Variants in MGAT5 observed in about 807,000 individuals in gnomAD.
MGAT5 encodes alpha-1,6-mannosylglycoprotein 6-beta-N-acetylglucosaminyltransferase.
In MGAT5, 30 loss-of-function variants were observed where a neutral mutation model predicts 94.3. The observed-to-expected ratio is 0.32, with a 90% CI of 0.24 to 0.43. The LOEUF (loss-of-function observed/expected upper bound fraction) is 0.43. Ranked by LOEUF, MGAT5 falls within the 20% of genes least tolerant of loss-of-function variation. The pLI is 1.00. For synonymous variants in MGAT5, 310 were observed against 322.9 expected, an observed-to-expected ratio of 0.96 and a Z score of 0.43; for missense variants, 691 against 905.5, an observed-to-expected ratio of 0.76 and a Z score of 3.04.
At chr2:134,236,831 T>A (rs959811252) in intron 1 of MGAT5, among the ~76,000 whole-genome samples, 3 of 152,118 alleles carry the variant, frequency 2.0e-5, no homozygotes, top group Non-Finnish European at 2.9e-5. Context: ...TCTTGTACCC[T>A]CAGTGTTTTC....
At chr2:134,181,148 C>T (rs544458145) in intron 1 of MGAT5, among the ~76,000 whole-genome samples, 29 of 152,284 alleles carry the variant, frequency 1.9e-4, no homozygotes, top group African/African-American at 7.0e-4. Flanking sequence ...CAGTGACTCT[C>T]AACCAGGGAC....
chr2:134,241,264 G>A (rs970019575), intron 1 of MGAT5, among the ~76,000 whole-genome samples: 1 of 152,226 alleles, frequency 6.6e-6, no homozygotes, highest in Non-Finnish European at 1.5e-5. Context: ...CCCCAAAGAA[G>A]GAGCAGACAT....
intron 1 of MGAT5, among the ~76,000 whole-genome samples, chr2:134,159,418 T>C (rs1188044439): frequency 2.0e-5 from 3 of 152,224 alleles, no homozygotes; most frequent in African/African-American, 7.2e-5. Context: ...AGGTTTCTAG[T>C]GCTTTATACC....
chr2:134,311,463 A>C (rs1244023972), intron 2 of MGAT5, among the ~76,000 whole-genome samples: 1 of 152,176 alleles, frequency 6.6e-6, no homozygotes, highest in Non-Finnish European at 1.5e-5. Context: ...ATAAAGGCTC[A>C]CTTCCTAATA....
At chr2:134,261,072 A>T (rs3791264) in intron 1 of MGAT5, among the ~76,000 whole-genome samples, 1 of 151,904 alleles carries the variant, frequency 6.6e-6, no homozygotes, top group Admixed American at 6.6e-5. Context: ...AAGACCTCAG[A>T]AATGTTTTAG....
intron 1 of MGAT5, among the ~76,000 whole-genome samples, chr2:134,244,398 T>C (rs997671106): frequency 2.6e-4 from 40 of 152,140 alleles, no homozygotes; most frequent in African/African-American, 9.2e-4. Flanking sequence ...ATGGACCAGG[T>C]CTTTGGAGCA....
At chr2:134,349,454 A>G (rs1345866376) in intron 8 of MGAT5, among the ~76,000 whole-genome samples, 1 of 152,210 alleles carries the variant, frequency 6.6e-6, no homozygotes, top group African/African-American at 2.4e-5. Flanking sequence ...TTAGACACCT[A>G]CTGTGTGCTC....
At chr2:134,264,004 C>T (rs1573646603) in intron 1 of MGAT5, among the ~76,000 whole-genome samples, 2 of 143,396 alleles carry the variant, frequency 1.4e-5, no homozygotes, top group African/African-American at 2.6e-5. Context: ...ACTGCATTTC[C>T]TTATGCCATT....
At chr2:134,302,144 CA>C (rs540923267) in intron 2 of MGAT5, among the ~76,000 whole-genome samples, 105 of 152,184 alleles carry the variant, frequency 6.9e-4, no homozygotes, top group African/African-American at 2.3e-3. Flanking sequence ...CAACACTGGA[CA>C]ATATGTAAAT....
intron 2 of MGAT5, among the ~76,000 whole-genome samples, chr2:134,291,206 G>A (rs1685332342): frequency 6.6e-6 from 1 of 152,162 alleles, no homozygotes; most frequent in South Asian, 2.1e-4. Flanking sequence ...TAACCCCCAA[G>A]GCGATGGTGT....
chr2:134,181,932 A>G lies in MGAT5; in HGVS notation c.-143+61641A>G, dbSNP rs369087243. 1.3e-4 allele frequency among the ~76,000 whole-genome samples: 20 copies of G among 152,342 alleles called. No homozygotes were observed. In the East Asian group the frequency reaches 3.5e-3, roughly 26 times the overall value. Reference sequence around the variant, plus strand: ...GTTTAGAGATTTGTAATAAAAAATGATAGCACAATTTAAGGTGAAGAAACA... The same window carrying G: ...GTTTAGAGATTTGTAATAAAAAATGGTAGCACAATTTAAGGTGAAGAAACA... On this transcript the variant is annotated intron_variant, in intron 1 of 16. Coordinates refer to the MGAT5 transcript ENST00000409645.
At chr2:134,286,057 A>G (rs1684981503) in intron 2 of MGAT5, among the ~76,000 whole-genome samples, 2 of 152,206 alleles carry the variant, frequency 1.3e-5, no homozygotes, top group African/African-American at 2.4e-5. Context: ...GACAATATTT[A>G]CTAATTATCT....
intron 1 of MGAT5, among the ~76,000 whole-genome samples, chr2:134,144,088 T>G (rs11886886): frequency 0.46 from 69,762 of 151,968 alleles, 19,342 homozygotes; most frequent in African/African-American, 0.78. Context: ...GGGATGCCGG[T>G]TGAAGATGAA....
intron 1 of MGAT5, among the ~76,000 whole-genome samples, chr2:134,156,374 CTCTG>C (rs1280490778): frequency 6.6e-6 from 1 of 152,104 alleles, no homozygotes; most frequent in East Asian, 1.9e-4. Context: ...TCGTCCAGGT[CTCTG>C]TCTGTTTGGC....
At chr2:134,372,068 C>A (rs922703959) in intron 10 of MGAT5, among the ~76,000 whole-genome samples, 4 of 152,106 alleles carry the variant, frequency 2.6e-5, no homozygotes, top group Admixed American at 1.3e-4. Flanking sequence ...ACCAGGAAAT[C>A]TGTATGCTCC....
In MGAT5 at chr2:134,449,625, A is replaced by G. The variant is rs1038535461; in HGVS notation, c.*778A>G. The G allele has an allele frequency of 6.6e-6, 1 of 152,250 alleles. No individual in the cohort carries two copies. Among genetic ancestry groups the G allele is most frequent in the Admixed American group, 6.5e-5 (1 of 15,284 alleles). The allele number at this position is 152,250 out of a possible 1,614,324, so 9.4% of individuals were successfully genotyped here. ...CCTCCATGTCCCCATGCCCAGACAC[A>G]TACCTTGGCCGTAATTTCTTTTAGA... On this transcript the variant is annotated 3_prime_UTR_variant, in exon 16 of 16. Transcript: ENST00000281923.
At chr2:134,388,859 C>T (rs1226416844) in intron 10 of MGAT5, among the ~76,000 whole-genome samples, 3 of 150,738 alleles carry the variant, frequency 2.0e-5, no homozygotes, top group Non-Finnish European at 4.4e-5. Context: ...CCTCCCGGTT[C>T]AAGCAATTCT....
intron 1 of MGAT5, among the ~76,000 whole-genome samples, chr2:134,198,086 A>G (rs938580939): frequency 3.3e-5 from 5 of 152,204 alleles, no homozygotes; most frequent in African/African-American, 1.2e-4. Context: ...TGTCATCTGT[A>G]CCAGAAGCTA....
chr2:134,168,168 C>T (rs769576257), intron 1 of MGAT5, among the ~76,000 whole-genome samples: 2 of 152,162 alleles, frequency 1.3e-5, no homozygotes, highest in African/African-American at 2.4e-5. Context: ...TTGTGGAAGG[C>T]GCACTGACCC....
Sources: gnomAD v4.1 joint callset for allele counts (sites outside exome capture counted in the v4.1 genomes callset) on GRCh38, gnomAD v4.1.1 for gene constraint, MANE v1.5 for transcripts, NCBI Gene and HGNC (gene_info 2026-07-23, HGNC 2026-07-21) for gene names.